SKAP1: variants seen among roughly 807,000 people sequenced by gnomAD.
SKAP1 encodes the protein src kinase associated phosphoprotein 1.
A neutral mutation model predicts 58.5 loss-of-function variants in SKAP1; 44 were observed. That is an observed-to-expected ratio of 0.75 (90% CI 0.59 to 0.97). The LOEUF (loss-of-function observed/expected upper bound fraction) is 0.97. Ranked by LOEUF, SKAP1 falls within the 50% of genes least tolerant of loss-of-function variation. The probability of loss-of-function intolerance (pLI) is 0.00; values close to 1 mark genes in which losing one functional copy is unlikely to be tolerated. For synonymous variants in SKAP1, 127 were observed against 149.7 expected, an observed-to-expected ratio of 0.85 and a Z score of 1.11; for missense variants, 390 against 435.2, an observed-to-expected ratio of 0.90 and a Z score of 0.92.
At chr17:48,188,575 T>G (rs996887074) in intron 5 of SKAP1, among the ~76,000 whole-genome samples, 1 of 152,082 alleles carries the variant, frequency 6.6e-6, no homozygotes, top group Admixed American at 6.6e-5. Flanking sequence ...TTGTCTCAGC[T>G]CTTTGACAGG....
chr17:48,424,930 C>CAAAAAAA (rs11430293), intron 1 of SKAP1, among the ~76,000 whole-genome samples: 1 of 84,436 alleles, frequency 1.2e-5, no homozygotes, highest in Non-Finnish European at 2.5e-5. Flanking sequence ...GACTCTGTCT[C>CAAAAAAA]AAAAAAAAAA....
At chr17:48,354,320 C>A (rs1467639999) in intron 3 of SKAP1, among the ~76,000 whole-genome samples, 1 of 152,062 alleles carries the variant, frequency 6.6e-6, no homozygotes, top group Non-Finnish European at 1.5e-5. Flanking sequence ...GAATTCAGTT[C>A]AATATTTGGT....
At chr17:48,357,503 G>A (rs1380789980) in intron 3 of SKAP1, among the ~76,000 whole-genome samples, 2 of 151,882 alleles carry the variant, frequency 1.3e-5, no homozygotes, top group African/African-American at 4.8e-5. Flanking sequence ...GGTGGCGGGC[G>A]CCTGTAGTCC....
chr17:48,263,400 C>G (rs192486418), intron 4 of SKAP1, among the ~76,000 whole-genome samples: 2 of 152,250 alleles, frequency 1.3e-5, no homozygotes, highest in Admixed American at 1.3e-4. Context: ...GAAAGTTTTG[C>G]ATTAAGAACA....
At chr17:48,315,352 C>T (rs528650940) in intron 4 of SKAP1, among the ~76,000 whole-genome samples, 1 of 152,198 alleles carries the variant, frequency 6.6e-6, no homozygotes, top group African/African-American at 2.4e-5. Context: ...TGCAAATATG[C>T]ATGTGTGCTT....
intron 4 of SKAP1, among the ~76,000 whole-genome samples, chr17:48,340,619 T>C (rs2066638430): frequency 6.6e-6 from 1 of 152,090 alleles, no homozygotes; most frequent in Non-Finnish European, 1.5e-5. Context: ...TCTTACATTA[T>C]AAAGTAATAA....
At chr17:48,410,462 AG>A (rs2067648397) in intron 1 of SKAP1, among the ~76,000 whole-genome samples, 1 of 152,170 alleles carries the variant, frequency 6.6e-6, no homozygotes, top group Non-Finnish European at 1.5e-5. Context: ...CTTGATTTCT[AG>A]TACCAATCTT....
chr17:48,242,472 T>C (rs2065252738), intron 4 of SKAP1, among the ~76,000 whole-genome samples: 1 of 152,198 alleles, frequency 6.6e-6, no homozygotes, highest in African/African-American at 2.4e-5. Context: ...ACCAACTGGC[T>C]GATGGCTCGC....
chr17:48,390,117 C>T (rs2067327532), intron 2 of SKAP1, among the ~76,000 whole-genome samples: 1 of 152,176 alleles, frequency 6.6e-6, no homozygotes, highest in Non-Finnish European at 1.5e-5. Flanking sequence ...GCATTTCCCT[C>T]CCCTCTGTTC....
At chr17:48,262,650 T>C (rs1209801213) in intron 4 of SKAP1, among the ~76,000 whole-genome samples, 1 of 152,232 alleles carries the variant, frequency 6.6e-6, no homozygotes, top group Non-Finnish European at 1.5e-5. Context: ...TTTCTTATCC[T>C]GTTAAAAAGC....
At chr17:48,307,663 AT>A (rs2066165078) in intron 4 of SKAP1, 1 of 152,280 alleles carries the variant, frequency 6.6e-6, no homozygotes, top group Admixed American at 6.5e-5. Flanking sequence ...ACAACATTAA[AT>A]TTAAAAATAT....
chr17:48,190,071 T>C (rs1430833672), intron 4 of SKAP1, among the ~76,000 whole-genome samples: 1 of 151,980 alleles, frequency 6.6e-6, no homozygotes, highest in East Asian at 1.9e-4. Flanking sequence ...AGCGTAAATA[T>C]GCACTGATGG....
At chr17:48,155,463 C>A (rs2063962998) in intron 11 of SKAP1, among the ~76,000 whole-genome samples, 1 of 152,050 alleles carries the variant, frequency 6.6e-6, no homozygotes, top group Non-Finnish European at 1.5e-5. Context: ...TAGTGAGAGA[C>A]ACTGGAGCCA....
intron 4 of SKAP1, among the ~76,000 whole-genome samples, chr17:48,217,274 T>G (rs746008930): frequency 6.6e-6 from 1 of 152,152 alleles, no homozygotes; most frequent in Non-Finnish European, 1.5e-5. Context: ...GCCCTCTCAG[T>G]GGTCTCCTGG....
chr17:48,340,758 A>G (rs973652334), intron 4 of SKAP1, among the ~76,000 whole-genome samples: 5 of 152,254 alleles, frequency 3.3e-5, no homozygotes, highest in African/African-American at 9.6e-5. Flanking sequence ...AAAGAATATC[A>G]TAAAGGAAAT....
At chr17:48,362,186 G>C (rs1380870359) in intron 3 of SKAP1, among the ~76,000 whole-genome samples, 1 of 152,234 alleles carries the variant, frequency 6.6e-6, no homozygotes, top group African/African-American at 2.4e-5. Context: ...CTCTCCAAGA[G>C]AGAAAGGATG....
chr17:48,180,350 G>A, intron 8 of SKAP1, 102 bp from the exon 9 acceptor site: 1 of 839,446 alleles, frequency 1.2e-6, no homozygotes, highest in Non-Finnish European at 1.8e-6. Context: ...AGTAAAATAT[G>A]TCAAATGAAA....
At chr17:48,231,901 A>G (rs1448914106) in intron 4 of SKAP1, 1 of 152,188 alleles carries the variant, frequency 6.6e-6, no homozygotes, top group East Asian at 1.9e-4. Flanking sequence ...TTCTCAAAAT[A>G]CCTATGTAAA....
intron 1 of SKAP1, among the ~76,000 whole-genome samples, chr17:48,407,854 C>CAA (rs71366874): frequency 0.23 from 28,526 of 123,166 alleles, 2,800 homozygotes; most frequent in Non-Finnish European, 0.25. Context: ...ACTTTGTCTC[C>CAA]AAAAAAAAAA....
Sources: gnomAD v4.1 joint callset for allele counts (sites outside exome capture counted in the v4.1 genomes callset) on GRCh38, gnomAD v4.1.1 for gene constraint, MANE v1.5 for transcripts, NCBI Gene and HGNC (gene_info 2026-07-23, HGNC 2026-07-21) for gene names.